ABCC3: variants seen among roughly 807,000 people sequenced by gnomAD.
The protein encoded by ABCC3 is ATP-binding cassette sub-family C member 3.
In ABCC3, 121 loss-of-function variants were observed where a neutral mutation model predicts 165.3. That is an observed-to-expected ratio of 0.73 (90% confidence interval 0.63 to 0.85). The LOEUF is 0.85. ABCC3 is among the 40% of genes least tolerant of loss of function. The pLI is 0.00. For missense variants in ABCC3, 1,869 were observed against 1,964.1 expected, an observed-to-expected ratio of 0.95 and a Z score of 0.92; for synonymous variants, 733 against 810.1, an observed-to-expected ratio of 0.90 and a Z score of 1.62.
intron 18 of ABCC3, 41 bp downstream of exon 18, chr17:50,673,179 G>A: frequency 6.2e-7 from 1 of 1,607,202 alleles, no homozygotes; most frequent in Admixed American, 1.7e-5. Context: ...GGTGAGATCT[G>A]AGGCCCGAAG....
chr17:50,636,210 T>A (rs1361663298), intron 1 of ABCC3, among the ~76,000 whole-genome samples: 1 of 152,226 alleles, frequency 6.6e-6, no homozygotes, highest in African/African-American at 2.4e-5. Flanking sequence ...ATGCCCTTTG[T>A]GTGTGTACGC....
chr17:50,673,049 CT>C lies in ABCC3; in HGVS notation c.2321del (p.Leu774ArgfsTer35), dbSNP rs985825908. 1 of 1,614,042 alleles carries C rather than the reference CT, an allele frequency of 6.2e-7. No homozygotes were observed. The highest frequency in any genetic ancestry group is 1.3e-5 in the African/African-American group (1 of 74,914). On this transcript the variant is annotated frameshift_variant, in exon 18 of 31. Coordinates refer to ENST00000285238, the MANE Select transcript of ABCC3 (RefSeq NM_003786.4). LOFTEE classifies it high-confidence loss of function. ...AVYSDADIFLLDDPLSAVDSH... is the reference protein window; with the variant it reads ...AVYSDADIFLXDDPLSAVDSH... The stretch of plus-strand genomic sequence containing the variant: ...TTACAGTGATGCCGATATTTTCTTG[CT>C]GGATGACCCACTGTCCGCGGTGGAC...
At position 50,679,725 on chromosome 17, in the gene ABCC3, T is replaced by C. The variant is rs932792648; in HGVS notation, c.3706-73T>C. ...CATGGATGGGCACATGATCCAGGAG[T>C]CTGAACTCCTCCCAAAGCCATTACG... is the stretch of plus-strand genomic sequence containing the variant. On this transcript the variant is annotated intron_variant, in intron 25 of 30. Coordinates refer to ENST00000285238, the MANE Select transcript of ABCC3 (RefSeq NM_003786.4). 46 of 1,401,906 alleles carry C rather than the reference T, an allele frequency of 3.3e-5. No individual in the cohort carries two copies. In the Middle Eastern group the frequency reaches 1.1e-3, roughly 33 times the overall value. The allele number at this position is 1,401,906 out of a possible 1,614,324, so 86.8% of individuals were successfully genotyped here. A position where few individuals can be genotyped will look rare whatever the true frequency, so the allele number is the denominator to read the frequency against.
intron 1 of ABCC3, among the ~76,000 whole-genome samples, chr17:50,655,551 C>T (rs1439991918): frequency 6.6e-6 from 1 of 151,914 alleles, no homozygotes; most frequent in African/African-American, 2.4e-5. Flanking sequence ...TCAAAACTCA[C>T]TGATTGTACA....
Position 50,686,724 on chromosome 17 carries a change from T to C in ABCC3, c.4281-812T>C, listed in dbSNP as rs576598937. On this transcript the variant is annotated intron_variant, in intron 29 of 30. Transcript: ENST00000285238. ...TTGTAGCCACTTTAAGTATAACCTG[T>C]GTCCTGTGCCAGTTCCACCATAAAT... Among the ~76,000 whole-genome samples, 33 of 152,288 alleles carry C rather than the reference T, an allele frequency of 2.2e-4. 1 individual carries two copies. The South Asian group carries it at 6.6e-3, about 31-fold the overall frequency.
chr17:50,684,377 C>T (rs1388386847), intron 28 of ABCC3, among the ~76,000 whole-genome samples: 5 of 152,184 alleles, frequency 3.3e-5, no homozygotes, highest in Non-Finnish European at 7.3e-5. Context: ...TCCCCCGAGA[C>T]ATTCTGCCCT....
At chr17:50,657,021 G>A (rs762148670) in intron 3 of ABCC3, 25 bp from the exon 4 acceptor site, 21 of 1,608,612 alleles carry the variant, frequency 1.3e-5, no homozygotes, top group Non-Finnish European at 1.5e-5. Context: ...TGTTCTGCCC[G>A]GGCCTCCCTG....
At chr17:50,676,182 C>T in intron 22 of ABCC3, 92 bp downstream of exon 22, 1 of 1,592,538 alleles carries the variant, frequency 6.3e-7, no homozygotes, top group Non-Finnish European at 8.6e-7. Flanking sequence ...ATCCAAGCCT[C>T]CCTAACCCAC....
In ABCC3 at chr17:50,691,840, A is replaced by ATAT. The variant is rs1968129820; in HGVS notation, c.*642_*644dup. ...CAGACCCAAGAGCTCTTGGCTGCAA[A>ATAT]TATTGCCTTCACAGCCAAAATTCCC... On this transcript the variant is annotated 3_prime_UTR_variant, in exon 31 of 31. Coordinates refer to ENST00000285238, the MANE Select transcript of ABCC3 (RefSeq NM_003786.4). 6.6e-6 allele frequency: 1 copy of ATAT among 152,346 alleles called. No homozygotes were observed. The highest frequency in any genetic ancestry group is 2.1e-4 in the South Asian group (1 of 4,826). The allele number at this position is 152,346 out of a possible 1,614,324, so 9.4% of individuals were successfully genotyped here.
intron 8 of ABCC3, among the ~76,000 whole-genome samples, chr17:50,662,414 A>G (rs929547139): frequency 6.6e-6 from 1 of 152,044 alleles, no homozygotes; most frequent in Non-Finnish European, 1.5e-5. Context: ...CTGGAAGTCA[A>G]ACTCTCGAGC....
At chr17:50,651,725 A>T (rs541045933) in intron 1 of ABCC3, among the ~76,000 whole-genome samples, 1 of 152,312 alleles carries the variant, frequency 6.6e-6, no homozygotes, top group African/African-American at 2.4e-5. Context: ...CTATTTCAAA[A>T]AAGTAATAAT....
chr17:50,651,049 C>T (rs1006028707), intron 1 of ABCC3, among the ~76,000 whole-genome samples: 2 of 129,534 alleles, frequency 1.5e-5, no homozygotes, highest in African/African-American at 2.8e-5. Flanking sequence ...TGGGTGACAG[C>T]GCGAGACTCC....
intron 7 of ABCC3, 84 bp downstream of exon 7, chr17:50,659,452 C>G: frequency 6.7e-7 from 1 of 1,481,576 alleles, no homozygotes; most frequent in South Asian, 1.3e-5. Flanking sequence ...CCTTGGAGGG[C>G]GGCATTGCTG....
chr17:50,648,268 A>G (rs1338027916), intron 1 of ABCC3, among the ~76,000 whole-genome samples: 17 of 152,328 alleles, frequency 1.1e-4, no homozygotes, highest in Admixed American at 1.0e-3. Context: ...GCAGAGAACA[A>G]CTGAAACCAA....
chr17:50,673,910 T>TTCTC (rs1326618049), intron 19 of ABCC3, among the ~76,000 whole-genome samples: 13 of 11,822 alleles, frequency 1.1e-3, no homozygotes, highest in Admixed American at 8.7e-3. Context: ...TTTTCTTTCT[T>TTCTC]TCTTTCTTTC....
chr17:50,657,943 C>T, intron 4 of ABCC3, 139 bp from the exon 5 acceptor site: 2 of 1,188,146 alleles, frequency 1.7e-6, no homozygotes, highest in Non-Finnish European at 2.4e-6. Flanking sequence ...TCTCAGAGTC[C>T]TCTGAGTGGG....
At chr17:50,684,383 G>T (rs1967984567) in intron 28 of ABCC3, among the ~76,000 whole-genome samples, 1 of 152,124 alleles carries the variant, frequency 6.6e-6, no homozygotes, top group Admixed American at 6.5e-5. Flanking sequence ...GAGACATTCT[G>T]CCCTGGTCTT....
At position 50,664,121 on chromosome 17, in the gene ABCC3, C is replaced by A; in HGVS notation, c.1338+10C>A. On this transcript the variant is annotated intron_variant, in intron 10 of 30. Coordinates refer to ENST00000285238, the MANE Select transcript of ABCC3 (RefSeq NM_003786.4). ...CTACTTCCTCTGGCAGGTGACTCTC[C>A]AACCCTGACCTCTGCCTCCTTCCTC... 1 of 1,613,478 alleles carries A rather than the reference C, an allele frequency of 6.2e-7. No individual in the cohort carries two copies. The highest frequency in any genetic ancestry group is 8.5e-7 in the Non-Finnish European group (1 of 1,179,494).
chr17:50,688,657 A>G (rs1380263983), intron 30 of ABCC3, among the ~76,000 whole-genome samples: 1 of 151,640 alleles, frequency 6.6e-6, no homozygotes, highest in Admixed American at 6.6e-5. Flanking sequence ...GAGGCCAAGG[A>G]GGGCGGATGA....
Sources: gnomAD v4.1 joint callset for allele counts (sites outside exome capture counted in the v4.1 genomes callset) on GRCh38, gnomAD v4.1.1 for gene constraint, MANE v1.5 for transcripts, NCBI Gene and HGNC (gene_info 2026-07-23, HGNC 2026-07-21) for gene names.